Variants in INCENP observed in about 807,000 individuals in gnomAD.
The protein encoded by INCENP is binds and activates aurora-B and -C in vivo and in vitro.
In INCENP, 43 loss-of-function variants were observed where a neutral mutation model predicts 107.3. The ratio of observed to expected loss-of-function variants is 0.40; its 90% CI spans 0.31 to 0.52. The LOEUF (loss-of-function observed/expected upper bound fraction) is 0.52, where lower values mean the gene tolerates loss of function less well. Ranked by LOEUF, INCENP falls within the 20% of genes least tolerant of loss-of-function variation. INCENP has a pLI of 0.53. For synonymous variants in INCENP, 488 were observed against 494.4 expected (o/e 0.99, Z 0.17); for missense variants, 1,089 against 1,250.9 (o/e 0.87, Z 1.95).
At chr11:62,141,174 G>A (rs990578018) in intron 10 of INCENP, 130 bp downstream of exon 10, 29 of 1,312,598 alleles carry the variant, frequency 2.2e-5, no homozygotes, top group Middle Eastern at 2.4e-4. Context: ...CACTGTTAGG[G>A]GCCGGTTGAA....
chr11:62,141,449 T>C, intron 10 of INCENP, 51 bp from the exon 11 acceptor site: 6 of 1,613,390 alleles, frequency 3.7e-6, no homozygotes, highest in Non-Finnish European at 5.1e-6. Flanking sequence ...CCCGGCAGGA[T>C]GCTCCCCGGC....
In INCENP at chr11:62,130,166, A is replaced by G; in HGVS notation, c.639A>G (p.Thr213=). Residue 213 remains threonine (T), a synonymous_variant, in exon 4 of 19, where the codon ACA becomes ACG. Coordinates refer to ENST00000394818, the MANE Select transcript of INCENP (RefSeq NM_001040694.2). ...ATAPTSQGIP[T]SDEESTPKKS... is the part of the protein sequence containing the mutation. Reference sequence around the variant, plus strand: ...CTCCAACCTCCCAGGGCATCCCGACATCAGATGAGGAATCAACACCTAAGA... The same window carrying G: ...CTCCAACCTCCCAGGGCATCCCGACGTCAGATGAGGAATCAACACCTAAGA... 2 of 1,613,960 alleles carry G rather than the reference A, an allele frequency of 1.2e-6. No individual in the cohort carries two copies. Among genetic ancestry groups the G allele is most frequent in the South Asian group, 1.1e-5 (1 of 91,084 alleles).
chr11:62,134,856 C>T (rs1051845084), intron 4 of INCENP, among the ~76,000 whole-genome samples: 2 of 152,172 alleles, frequency 1.3e-5, no homozygotes, highest in Admixed American at 1.3e-4. Flanking sequence ...TTGAGACTGT[C>T]TTGGCCAACA....
chr11:62,151,832 C>A lies in INCENP; in HGVS notation c.2613C>A (p.Thr871=). The A allele has an allele frequency of 6.2e-7, 1 of 1,614,166 alleles. No individual in the cohort carries two copies. The highest frequency in any genetic ancestry group is 8.5e-7 in the Non-Finnish European group (1 of 1,180,010). The part of the protein sequence containing the change: ...HPPNLLELFG[T]ILPLDLEDIF... ...CGAACCTTCTGGAGCTCTTTGGAAC[C>A]ATTCTCCCACTGGACTTGGAGGATA... is the stretch of plus-strand genomic sequence containing the variant. The change falls in exon 19 of 19, where the codon ACC becomes ACA. Residue 871 remains threonine, a synonymous_variant. Coordinates refer to ENST00000394818, the MANE Select transcript of INCENP (RefSeq NM_001040694.2).
chr11:62,140,324 G>T (rs1168175120), intron 8 of INCENP, 39 bp downstream of exon 8: 1 of 1,562,344 alleles, frequency 6.4e-7, no homozygotes, highest in Admixed American at 1.7e-5. Flanking sequence ...AACTCTGAGG[G>T]CCCTGGAGGA....
intron 4 of INCENP, among the ~76,000 whole-genome samples, chr11:62,137,047 T>C (rs560599631): frequency 2.0e-5 from 3 of 152,260 alleles, no homozygotes; most frequent in East Asian, 3.9e-4. Context: ...CCCCCCATCA[T>C]AGGCTTTTAA....
intron 18 of INCENP, 97 bp from the exon 19 acceptor site, chr11:62,151,665 G>GGGAGGTT: frequency 1.0e-6 from 1 of 967,304 alleles, no homozygotes; most frequent in Non-Finnish European, 1.6e-6. Context: ...GCTCTCTGTA[G>GGGAGGTT]GGAGGTTGGA....
At chr11:62,141,188 T>C (rs750930849) in intron 10 of INCENP, 144 bp downstream of exon 10, 90 of 1,160,236 alleles carry the variant, frequency 7.8e-5, no homozygotes, top group Non-Finnish European at 9.9e-5. Flanking sequence ...GGTTGAAGCC[T>C]CTGTGGCCAC....
chr11:62,146,139 T>G (rs3781969), intron 14 of INCENP, among the ~76,000 whole-genome samples: 29,586 of 152,188 alleles, frequency 0.19, 3,462 homozygotes, highest in South Asian at 0.39. Flanking sequence ...TCTATACAAT[T>G]GCTGTTATGG....
At chr11:62,126,001 A>C (rs1943740439) in intron 1 of INCENP, among the ~76,000 whole-genome samples, 2 of 152,214 alleles carry the variant, frequency 1.3e-5, no homozygotes, top group South Asian at 4.1e-4. Flanking sequence ...TGAGCCATAC[A>C]AAATGTGAGA....
In INCENP at chr11:62,153,091, A is replaced by T. The variant is rs999250846; in HGVS notation, c.*1115A>T. On this transcript the variant is annotated 3_prime_UTR_variant, in exon 19 of 19. Transcript: ENST00000394818. The stretch of plus-strand genomic sequence containing the variant: ...CAGAGGCCCCTCCATGCAAAGCTGA[A>T]TATGTTTACTATTTGAACTTTTTCA... 6.6e-6 allele frequency: 1 copy of T among 152,274 alleles called. No individual in the cohort carries two copies. Among genetic ancestry groups the T allele is most frequent in the Non-Finnish European group, 1.5e-5 (1 of 68,060 alleles). 9.4% of individuals were successfully genotyped at this position (152,274 alleles called of 1,614,324 possible).
chr11:62,131,988 C>T (rs1943903508), intron 4 of INCENP, among the ~76,000 whole-genome samples: 1 of 152,038 alleles, frequency 6.6e-6, no homozygotes, highest in Non-Finnish European at 1.5e-5. Flanking sequence ...GGGGTTTCAC[C>T]ATGTTGGCCA....
chr11:62,148,120 T>G (rs1944293277), intron 15 of INCENP, among the ~76,000 whole-genome samples: 1 of 152,080 alleles, frequency 6.6e-6, no homozygotes, highest in Non-Finnish European at 1.5e-5. Context: ...GCCCTGAAGG[T>G]TAGGATAAAA....
At chr11:62,133,088 C>G (rs1424781734) in intron 4 of INCENP, among the ~76,000 whole-genome samples, 2 of 152,048 alleles carry the variant, frequency 1.3e-5, no homozygotes, top group Non-Finnish European at 2.9e-5. Flanking sequence ...GGGGCGGTGA[C>G]AGGGGAGGAG....
chr11:62,132,863 C>T (rs2134628614), intron 4 of INCENP, among the ~76,000 whole-genome samples: 1 of 152,318 alleles, frequency 6.6e-6, no homozygotes, highest in South Asian at 2.1e-4. Context: ...CACACAGACC[C>T]TGGGTGACCT....
At chr11:62,136,089 A>G (rs1412766906) in intron 4 of INCENP, among the ~76,000 whole-genome samples, 1 of 152,126 alleles carries the variant, frequency 6.6e-6, no homozygotes, top group Non-Finnish European at 1.5e-5. Flanking sequence ...GAGCCACCGC[A>G]CCCGGCCTTG....
Position 62,140,992 on chromosome 11 carries a change from G to A in INCENP, c.1541G>A (p.Ser514Asn). ...MLMTPTSAPR[S>N]VMKSFIKRNT... ...ATGACCCCGACCTCAGCCCCACGCA[G>A]CGTCATGAAGTCCTTTATTAAGCGC... Residue 514 changes from serine to asparagine, a missense_variant, in exon 10 of 19, where the codon AGC becomes AAC. Ser to Asn is a conservative substitution (Grantham distance 46). Coordinates refer to ENST00000394818, the MANE Select transcript of INCENP (RefSeq NM_001040694.2). 1 of 1,614,230 alleles carries A rather than the reference G, an allele frequency of 6.2e-7. No individual in the cohort carries two copies. The highest frequency in any genetic ancestry group is 8.5e-7 in the Non-Finnish European group (1 of 1,180,032).
intron 14 of INCENP, among the ~76,000 whole-genome samples, chr11:62,146,158 C>A (rs1944238422): frequency 6.6e-6 from 1 of 152,174 alleles, no homozygotes; most frequent in Non-Finnish European, 1.5e-5. Context: ...GGTCCACCCC[C>A]TGACTGTTCT....
chr11:62,129,936 G>T lies in INCENP; in HGVS notation c.409G>T (p.Ala137Ser). 1.2e-6 allele frequency: 2 copies of T among 1,613,986 alleles called. No homozygotes were observed. The highest frequency in any genetic ancestry group is 2.2e-5 in the South Asian group (2 of 91,086). ...AAAAAAAATMALAAPSSPTPE... is the reference protein window; with the variant it reads ...AAAAAAAATMSLAAPSSPTPE... ...GGCTGCAGCTGCCGCGGCTACCATGGCATTGGCTGCACCTTCTTCACCCAC... is the reference window on the plus strand; with the variant it reads ...GGCTGCAGCTGCCGCGGCTACCATGTCATTGGCTGCACCTTCTTCACCCAC... Residue 137 changes from alanine (A) to serine (S), a missense_variant, in exon 4 of 19, where the codon GCA becomes TCA. Physicochemically the swap from Ala to Ser is moderately conservative, Grantham distance 99 (BLOSUM62 1). Coordinates refer to ENST00000394818, the MANE Select transcript of INCENP (RefSeq NM_001040694.2).
Sources: gnomAD v4.1 joint callset for allele counts (sites outside exome capture counted in the v4.1 genomes callset) on GRCh38, gnomAD v4.1.1 for gene constraint, MANE v1.5 for transcripts, NCBI Gene and HGNC (gene_info 2026-07-23, HGNC 2026-07-21) for gene names.